BARX2: variants seen among roughly 807,000 people sequenced by gnomAD.
BARX2 encodes the protein homeobox protein BarH-like 2.
BARX2 carries 11 observed loss-of-function variants against 25.5 expected under a neutral mutation model. The ratio of observed to expected loss-of-function variants is 0.43; its 90% CI spans 0.27 to 0.71. The LOEUF (loss-of-function observed/expected upper bound fraction) is 0.71, where lower values mean the gene tolerates loss of function less well. Among genes scored for constraint, BARX2 ranks in the 30% least tolerant of loss-of-function variants. The probability of loss-of-function intolerance (pLI) is 0.19; values close to 1 mark genes in which losing one functional copy is unlikely to be tolerated. For missense variants in BARX2, 360 were observed against 359.9 expected, an observed-to-expected ratio of 1.00 and a Z score of 0.00; for synonymous variants, 137 against 149.5, an observed-to-expected ratio of 0.92 and a Z score of 0.61.
chr11:129,387,034 C>T (rs1861622759), intron 1 of BARX2, among the ~76,000 whole-genome samples: 1 of 152,204 alleles, frequency 6.6e-6, no homozygotes, highest in South Asian at 2.1e-4. Flanking sequence ...GATGGTGGCT[C>T]TATCAGTTTC....
intron 1 of BARX2, among the ~76,000 whole-genome samples, chr11:129,401,167 C>T (rs547385465): frequency 6.6e-6 from 1 of 152,216 alleles, no homozygotes; most frequent in African/African-American, 2.4e-5. Context: ...ATCAACATTG[C>T]AGTAAATTTA....
At chr11:129,434,767 A>C (rs1862170113) in intron 1 of BARX2, among the ~76,000 whole-genome samples, 1 of 152,322 alleles carries the variant, frequency 6.6e-6, no homozygotes, top group East Asian at 1.9e-4. Flanking sequence ...ATACTGCTTA[A>C]TTTGTCCTCA....
At position 129,422,428 on chromosome 11, in the gene BARX2, A is replaced by G. The variant is rs1862014956; in HGVS notation, c.188-14323A>G. On this transcript the variant is annotated intron_variant, in intron 1 of 3. Coordinates refer to ENST00000281437, the MANE Select transcript of BARX2 (RefSeq NM_003658.5). ...ATCCTCCTGCCTCAGCCCCCCAAGT[A>G]GCTAGGACTACAGGCACACACCACC... is the stretch of plus-strand genomic sequence containing the variant. Among the ~76,000 whole-genome samples, 3 of 149,788 alleles carry G rather than the reference A, an allele frequency of 2.0e-5. No homozygotes were observed. In the South Asian group the frequency reaches 6.4e-4, roughly 32 times the overall value.
At chr11:129,419,136 G>A (rs1458295928) in intron 1 of BARX2, among the ~76,000 whole-genome samples, 3 of 152,166 alleles carry the variant, frequency 2.0e-5, no homozygotes, top group African/African-American at 4.8e-5. Context: ...GTCCAGGGCC[G>A]GCCCCCGCCT....
intron 1 of BARX2, among the ~76,000 whole-genome samples, chr11:129,411,934 A>T (rs2135398632): frequency 6.6e-6 from 1 of 152,364 alleles, no homozygotes; most frequent in African/African-American, 2.4e-5. Context: ...TTGAAATTTA[A>T]CATGCAAAAT....
At chr11:129,416,544 A>G (rs550355442) in intron 1 of BARX2, among the ~76,000 whole-genome samples, 3 of 152,304 alleles carry the variant, frequency 2.0e-5, no homozygotes, top group East Asian at 3.9e-4. Context: ...CTAGTTCTGA[A>G]TATTAAGAAA....
rs180805589 is a variant in BARX2, at chr11:129,390,164, A to T, written c.187+13942A>T. ...TTCTCACCTTCTATGGTGCAAAGGC[A>T]TCGCCAGTGAACAGGGTGATGCCTC... On this transcript the variant is annotated intron_variant, in intron 1 of 3. Coordinates refer to ENST00000281437, the MANE Select transcript of BARX2 (RefSeq NM_003658.5). The surrounding 1 kb of genome is among the most constrained non-coding windows in gnomAD (Gnocchi z 4.3). 6.6e-6 allele frequency among the ~76,000 whole-genome samples: 1 copy of T among 152,226 alleles called. No homozygotes were observed. The highest frequency in any genetic ancestry group is 1.5e-5 in the Non-Finnish European group (1 of 68,038).
chr11:129,407,180 T>G (rs760571109), intron 1 of BARX2, among the ~76,000 whole-genome samples: 1 of 152,178 alleles, frequency 6.6e-6, no homozygotes, highest in African/African-American at 2.4e-5. Context: ...GTGGTCTCAG[T>G]CTCTGCTTGA....
chr11:129,380,814 T>TG (rs1054137677), intron 1 of BARX2, among the ~76,000 whole-genome samples: 2 of 39,280 alleles, frequency 5.1e-5, no homozygotes, highest in African/African-American at 1.7e-4. Context: ...AGGAGTCAGT[T>TG]TTTTTTTTTT....
intron 1 of BARX2, among the ~76,000 whole-genome samples, chr11:129,397,716 C>A (rs11604055): frequency 0.029 from 4,481 of 152,272 alleles, 89 homozygotes; most frequent in Non-Finnish European, 0.044. Flanking sequence ...ACGCAGTTAC[C>A]AGAATCATAC....
intron 1 of BARX2, among the ~76,000 whole-genome samples, chr11:129,415,461 G>T (rs762945569): frequency 7.2e-5 from 11 of 152,128 alleles, no homozygotes; most frequent in Non-Finnish European, 1.6e-4. Flanking sequence ...TCATACAGTG[G>T]TTCAGAGATT....
chr11:129,433,810 G>A (rs574830142), intron 1 of BARX2, among the ~76,000 whole-genome samples: 2 of 152,204 alleles, frequency 1.3e-5, no homozygotes, highest in East Asian at 3.9e-4. Context: ...TTTCATCATA[G>A]TTTATCACTA....
At chr11:129,443,919 T>C (rs1738550602) in intron 3 of BARX2, among the ~76,000 whole-genome samples, 1 of 152,066 alleles carries the variant, frequency 6.6e-6, no homozygotes, top group Admixed American at 6.6e-5. Context: ...CCACCTGCCA[T>C]AGGCTTCTTA....
At chr11:129,428,384 C>T (rs1220233763) in intron 1 of BARX2, among the ~76,000 whole-genome samples, 2 of 152,188 alleles carry the variant, frequency 1.3e-5, no homozygotes, top group Non-Finnish European at 2.9e-5. Flanking sequence ...ACCAAAGTGT[C>T]TCCTAATGTA....
At chr11:129,403,367 T>G (rs1179281263) in intron 1 of BARX2, among the ~76,000 whole-genome samples, 2 of 152,236 alleles carry the variant, frequency 1.3e-5, no homozygotes, top group Non-Finnish European at 2.9e-5. Context: ...GAAATCTAGA[T>G]GTCTCTGCAT....
intron 1 of BARX2, among the ~76,000 whole-genome samples, chr11:129,388,719 C>T (rs951590158): frequency 1.3e-5 from 2 of 152,098 alleles, no homozygotes; most frequent in South Asian, 4.2e-4. Context: ...TTTTAAAAAC[C>T]TTTCTGTATG....
intron 1 of BARX2, among the ~76,000 whole-genome samples, chr11:129,431,465 C>G (rs898520907): frequency 5.9e-5 from 9 of 152,162 alleles, no homozygotes; most frequent in Admixed American, 5.9e-4. Flanking sequence ...TTGATATTGT[C>G]AGTTCATTAA....
At chr11:129,428,211 C>T (rs1312505554) in intron 1 of BARX2, among the ~76,000 whole-genome samples, 1 of 152,196 alleles carries the variant, frequency 6.6e-6, no homozygotes, top group Non-Finnish European at 1.5e-5. Flanking sequence ...TTATTACAGT[C>T]ATCACACTGT....
At chr11:129,444,201 T>A (rs1294856774) in intron 3 of BARX2, among the ~76,000 whole-genome samples, 1 of 151,742 alleles carries the variant, frequency 6.6e-6, no homozygotes, top group African/African-American at 2.4e-5. Context: ...TGCTATTCCT[T>A]GCTATTTTCT....
Sources: allele counts gnomAD v4.1 joint callset (sites outside exome capture counted in the v4.1 genomes callset), GRCh38; gene constraint gnomAD v4.1.1; non-coding constraint Gnocchi (gnomAD v3.1); transcripts MANE v1.5; gene names NCBI Gene and HGNC (gene_info 2026-07-23, HGNC 2026-07-21).